PHF3: variants seen among roughly 807,000 people sequenced by gnomAD.
PHF3 encodes the protein PHD finger protein 3.
A neutral mutation model predicts 178.4 loss-of-function variants in PHF3; 41 were observed. The observed-to-expected ratio is 0.23, with a 90% confidence interval of 0.18 to 0.30. PHF3 has a LOEUF of 0.30. PHF3 is among the 10% of genes least tolerant of loss of function. The probability of loss-of-function intolerance (pLI) is 1.00; values close to 1 mark genes in which losing one functional copy is unlikely to be tolerated. For synonymous variants in PHF3, 842 were observed against 800.5 expected (o/e 1.05, Z -0.88); for missense variants, 2,346 against 2,398.1 (o/e 0.98, Z 0.45).
In PHF3 at chr6:63,636,050, T is replaced by G. The variant is rs1167319624; in HGVS notation, c.-126T>G. ...GCCGACGTCCTGCGCGTACCCCCTC[T>G]CCGCGGCACCCACCGGGCCCCCTCC... On this transcript the variant is annotated 5_prime_UTR_variant, in exon 1 of 16. Transcript: ENST00000262043. 7.6e-6 allele frequency: 3 copies of G among 393,922 alleles called. No individual in the cohort carries two copies. Among genetic ancestry groups the G allele is most frequent in the South Asian group, 1.3e-4 (1 of 7,504 alleles). 24.4% of individuals were successfully genotyped at this position (393,922 alleles called of 1,614,324 possible).
intron 3 of PHF3, 119 bp from the exon 4 acceptor site, chr6:63,684,010 A>T: frequency 1.4e-6 from 1 of 710,286 alleles, no homozygotes. Context: ...TGTTCAATAC[A>T]TTTTTGTTGA....
rs143395674 is a variant in PHF3, at chr6:63,673,648, A to T, written c.245-6352A>T. ...CTTGCAAAACATGTTTTCTTCAAGG[A>T]TGGGGCTGAGGGTTCCTTGAAAAAT... On this transcript the variant is annotated intron_variant, in intron 2 of 15. Coordinates refer to ENST00000262043, the MANE Select transcript of PHF3 (RefSeq NM_001370348.2). Among the ~76,000 whole-genome samples, 3 of 152,328 alleles carry T rather than the reference A, an allele frequency of 2.0e-5. No individual in the cohort carries two copies. In the East Asian group the frequency reaches 5.8e-4, roughly 29 times the overall value.
intron 3 of PHF3, among the ~76,000 whole-genome samples, chr6:63,682,965 C>G (rs940301105): frequency 1.3e-5 from 2 of 151,798 alleles, no homozygotes; most frequent in African/African-American, 4.8e-5. Flanking sequence ...TAAAGATCAC[C>G]TAAATATTGA....
chr6:63,711,033 A>C (rs1017337446), intron 14 of PHF3, 134 bp from the exon 15 acceptor site: 1 of 563,058 alleles, frequency 1.8e-6, no homozygotes, highest in Non-Finnish European at 3.0e-6. Context: ...TTCTGTATTT[A>C]AGTTGGTAAA....
At chr6:63,700,196 A>G (rs1757581953) in intron 8 of PHF3, among the ~76,000 whole-genome samples, 154 bp from the exon 9 acceptor site, 1 of 152,118 alleles carries the variant, frequency 6.6e-6, no homozygotes, top group Non-Finnish European at 1.5e-5. Flanking sequence ...TAGAACACAA[A>G]GCTGTCATTT....
chr6:63,653,307 ATTC>A (rs1156926081), intron 2 of PHF3, among the ~76,000 whole-genome samples: 3 of 151,852 alleles, frequency 2.0e-5, no homozygotes, highest in African/African-American at 7.3e-5. Flanking sequence ...TTTTCACAAT[ATTC>A]TTCTAACCAC....
intron 2 of PHF3, among the ~76,000 whole-genome samples, chr6:63,658,229 G>T (rs1765318590): frequency 6.6e-6 from 1 of 152,184 alleles, no homozygotes; most frequent in South Asian, 2.1e-4. Flanking sequence ...AACTTCTTAA[G>T]CTTCAGCTCC....
intron 6 of PHF3, among the ~76,000 whole-genome samples, chr6:63,697,693 AGTG>A (rs1474986169): frequency 6.6e-6 from 1 of 152,230 alleles, no homozygotes; most frequent in African/African-American, 2.4e-5. Flanking sequence ...ATGTATGAAA[AGTG>A]AATACATGAA....
chr6:63,649,425 A>G (rs753747395), intron 2 of PHF3, among the ~76,000 whole-genome samples: 1 of 152,170 alleles, frequency 6.6e-6, no homozygotes, highest in Non-Finnish European at 1.5e-5. Context: ...ATAATCCTAT[A>G]TGTATTCCTT....
chr6:63,646,333 A>G (rs1561938144), intron 1 of PHF3, among the ~76,000 whole-genome samples, 194 bp from the exon 2 acceptor site: 1 of 152,174 alleles, frequency 6.6e-6, no homozygotes, highest in Non-Finnish European at 1.5e-5. Context: ...TGATGAAGAA[A>G]CATTATTTAG....
At chr6:63,692,145 T>C (rs1179691729) in intron 5 of PHF3, 102 bp downstream of exon 5, 2 of 870,292 alleles carry the variant, frequency 2.3e-6, no homozygotes, top group Admixed American at 3.2e-5. Flanking sequence ...TAATGTTCTT[T>C]TACATTTTCA....
chr6:63,713,687 CAG>C lies in PHF3; in HGVS notation c.6101_6102del (p.Arg2034AsnfsTer2). 2.6e-6 allele frequency: 4 copies of C among 1,567,026 alleles called. No individual in the cohort carries two copies. The East Asian group carries it at 6.8e-5, about 26-fold the overall frequency. ...ACCACAAAGATAGGGACCACACTGA[CAG>C]AACTAAAAGCAAAAGGTAAAATTTG... ...RYHKDRDHTD[R>X]TKSKR On this transcript the variant is annotated frameshift_variant, in exon 16 of 16. Transcript: ENST00000262043. LOFTEE classifies it high-confidence loss of function.
At chr6:63,682,614 G>A (rs1582068052) in intron 3 of PHF3, among the ~76,000 whole-genome samples, 1 of 151,966 alleles carries the variant, frequency 6.6e-6, no homozygotes, top group African/African-American at 2.4e-5. Context: ...CAGTTATTTG[G>A]TATATACGTG....
chr6:63,692,179 A>G (rs1767037385), intron 5 of PHF3, 136 bp downstream of exon 5: 1 of 687,724 alleles, frequency 1.5e-6, no homozygotes, highest in African/African-American at 1.8e-5. Flanking sequence ...ATGAAAGTGA[A>G]TAGGTTTTTA....
chr6:63,643,569 A>G (rs1764665377), intron 1 of PHF3, among the ~76,000 whole-genome samples: 1 of 152,174 alleles, frequency 6.6e-6, no homozygotes, highest in South Asian at 2.1e-4. Context: ...GAAGATTCCC[A>G]TTTTCATTAG....
Position 63,717,021 on chromosome 6 carries a change from G to T in PHF3, c.*3313G>T, listed in dbSNP as rs1768211048. ...GGATTATCATCTACCAACAGCCCTT[G>T]ACTTACTAATTGTAGTTTATTGTGG... On this transcript the variant is annotated 3_prime_UTR_variant, in exon 16 of 16. Transcript: ENST00000262043. Among the ~76,000 whole-genome samples the T allele has an allele frequency of 6.6e-6, 1 of 152,036 alleles. No individual in the cohort carries two copies. The highest frequency in any genetic ancestry group is 2.4e-5 in the African/African-American group (1 of 41,420).
At chr6:63,649,924 T>C (rs1764951763) in intron 2 of PHF3, among the ~76,000 whole-genome samples, 1 of 152,178 alleles carries the variant, frequency 6.6e-6, no homozygotes, top group African/African-American at 2.4e-5. Flanking sequence ...ATCACTGAAA[T>C]GGTGTTTACT....
At chr6:63,666,401 G>T (rs1765683163) in intron 2 of PHF3, among the ~76,000 whole-genome samples, 1 of 151,642 alleles carries the variant, frequency 6.6e-6, no homozygotes, top group Non-Finnish European at 1.5e-5. Context: ...GTGGCATAAA[G>T]ATTTTAATAA....
intron 2 of PHF3, among the ~76,000 whole-genome samples, chr6:63,650,461 A>G (rs1203651155): frequency 1.3e-5 from 2 of 152,182 alleles, no homozygotes; most frequent in Non-Finnish European, 2.9e-5. Flanking sequence ...CTTACATCAC[A>G]TGTTGCTTTC....
Sources: gnomAD v4.1 joint callset for allele counts (sites outside exome capture counted in the v4.1 genomes callset) on GRCh38, gnomAD v4.1.1 for gene constraint, MANE v1.5 for transcripts, NCBI Gene and HGNC (gene_info 2026-07-23, HGNC 2026-07-21) for gene names.